The following WDR83 variants were observed in gnomAD, a reference collection of about 807,000 sequenced individuals.
WDR83 encodes WD repeat domain 83, also known as WD repeat domain-containing protein 83.
Under a neutral mutation model 37.7 loss-of-function variants are expected in WDR83, and 37 were observed. The observed-to-expected ratio is 0.98, with a 90% CI of 0.76 to 1.29. The LOEUF (loss-of-function observed/expected upper bound fraction) is 1.29, where lower values mean the gene tolerates loss of function less well. WDR83 is among the 50% of genes most tolerant of loss of function. The probability of loss-of-function intolerance (pLI) is 0.00; values close to 1 mark genes in which losing one functional copy is unlikely to be tolerated. For missense variants in WDR83, 445 were observed against 414.4 expected, an observed-to-expected ratio of 1.07 and a Z score of -0.64; for synonymous variants, 174 against 181.1, an observed-to-expected ratio of 0.96 and a Z score of 0.31.
intron 10 of WDR83, 132 bp from the exon 11 acceptor site, chr19:12,675,391 G>A: frequency 1.5e-6 from 2 of 1,290,864 alleles, no homozygotes; most frequent in Non-Finnish European, 2.1e-6. Flanking sequence ...GGCAATTAGA[G>A]GCAGGTGGCT....
intron 5 of WDR83, 113 bp downstream of exon 5, chr19:12,670,398 C>A: frequency 1.3e-6 from 2 of 1,497,670 alleles, no homozygotes; most frequent in Non-Finnish European, 1.8e-6. Context: ...AGATGACGAT[C>A]CCCCACTCCG....
At chr19:12,672,970 C>T in intron 8 of WDR83, 38 bp from the exon 9 acceptor site, 3 of 1,598,488 alleles carry the variant, frequency 1.9e-6, no homozygotes, top group Middle Eastern at 1.7e-4. Flanking sequence ...CAACCAGGGG[C>T]ACCCCACCCT....
At chr19:12,671,627 G>A (rs983125921) in intron 7 of WDR83, among the ~76,000 whole-genome samples, 8 of 152,256 alleles carry the variant, frequency 5.3e-5, no homozygotes, top group Middle Eastern at 3.4e-3. Context: ...ACTCCTGGGC[G>A]ATAGAGCAAG....
chr19:12,670,444 G>A, intron 5 of WDR83, 119 bp from the exon 6 acceptor site: 3 of 1,536,980 alleles, frequency 2.0e-6, no homozygotes, highest in Non-Finnish European at 2.7e-6. Flanking sequence ...CCCTGTCCTT[G>A]CTGTTCCCCC....
At position 12,670,687 on chromosome 19, in the gene WDR83, C is replaced by G. The variant is rs757159653; in HGVS notation, c.380-8C>G. On this transcript the variant is annotated splice_region_variant and splice_polypyrimidine_tract_variant and intron_variant, in intron 6 of 10. Transcript: ENST00000418543. ...AAACCTGACCTCACCATCATGCTGG[C>G]CTCACAGGCTCTATTGATTCCAGTA... 6.2e-7 allele frequency: 1 copy of G among 1,614,202 alleles called. No homozygotes were observed. Among genetic ancestry groups the G allele is most frequent in the East Asian group, 2.2e-5 (1 of 44,876 alleles).
intron 10 of WDR83, among the ~76,000 whole-genome samples, chr19:12,674,583 G>A (rs1464583768): frequency 6.6e-6 from 1 of 152,042 alleles, no homozygotes; most frequent in East Asian, 1.9e-4. Flanking sequence ...ACATTTTCAA[G>A]GTGGAAAGAG....
In WDR83 at chr19:12,674,476, G is replaced by T. The variant is rs574594870; in HGVS notation, c.799-1047G>T. 2.0e-5 allele frequency among the ~76,000 whole-genome samples: 3 copies of T among 152,314 alleles called. No individual in the cohort carries two copies. The South Asian group carries it at 6.2e-4, about 32-fold the overall frequency. On this transcript the variant is annotated intron_variant, in intron 10 of 10. Coordinates refer to ENST00000418543, the MANE Select transcript of WDR83 (RefSeq NM_001099737.3). The stretch of plus-strand genomic sequence containing the variant: ...GGGGCCCTGAAGACTTGGCGGACAA[G>T]CTCTTGCTTTAGGAACTAAGGTAGC...
Position 12,673,259 on chromosome 19 carries a change from C to T in WDR83, c.741C>T (p.Asp247=), listed in dbSNP as rs754882978. 7 of 1,613,946 alleles carry T rather than the reference C, an allele frequency of 4.3e-6. No individual in the cohort carries two copies. Among genetic ancestry groups the T allele is most frequent in the African/African-American group, 1.3e-5 (1 of 74,880 alleles). The change falls in exon 10 of 11, where the codon GAC becomes GAT. Residue 247 remains aspartate (D), a synonymous_variant. Transcript: ENST00000418543. ...TGGACTGCTGCCTGAGCGAGCGTGACACACATGTGGTCAGCTGTTCTGAGG... is the reference window on the plus strand; with the variant it reads ...TGGACTGCTGCCTGAGCGAGCGTGATACACATGTGGTCAGCTGTTCTGAGG... ...YKLDCCLSER[D]THVVSCSEDG...
rs1362624919 is a variant in WDR83 at position 12,668,156 on chromosome 19, C to CA, written c.-156-351dup. 25 of 574,984 alleles carry CA rather than the reference C, an allele frequency of 4.3e-5. No homozygotes were observed. The African/African-American group carries it at 4.7e-4, about 11-fold the overall frequency. The allele number at this position is 574,984 out of a possible 1,614,324, so 35.6% of individuals were successfully genotyped here. ...GAAACATGGACAGCATCTCCCCCAG[C>CA]AGCAGGCAGGGGAAGGGAGGCAGGA... On this transcript the variant is annotated intron_variant, in intron 1 of 10. Coordinates refer to ENST00000418543, the MANE Select transcript of WDR83 (RefSeq NM_001099737.3).
chr19:12,671,061 C>T, intron 7 of WDR83: 3 of 495,936 alleles, frequency 6.0e-6, no homozygotes, highest in Non-Finnish European at 6.9e-6. Context: ...GGCACGGTGG[C>T]TCACACCTGT....
At chr19:12,673,167 A>G (rs1014685960) in intron 9 of WDR83, 35 bp from the exon 10 acceptor site, 2 of 1,612,760 alleles carry the variant, frequency 1.2e-6, no homozygotes, top group African/African-American at 1.3e-5. Context: ...CCACCCCTGG[A>G]GAGGACCAAG....
At chr19:12,674,793 A>G (rs1413713088) in intron 10 of WDR83, among the ~76,000 whole-genome samples, 7 of 152,116 alleles carry the variant, frequency 4.6e-5, no homozygotes, top group African/African-American at 1.7e-4. Context: ...GCCAAGAGGA[A>G]TAACTGATAG....
chr19:12,668,739 C>T, intron 2 of WDR83, 112 bp downstream of exon 2: 1 of 824,598 alleles, frequency 1.2e-6, no homozygotes. Context: ...GACCTTGCCC[C>T]ACCCGGAATT....
intron 1 of WDR83, 192 bp from the exon 2 acceptor site, chr19:12,668,316 A>C: frequency 6.3e-7 from 1 of 1,579,446 alleles, no homozygotes; most frequent in Non-Finnish European, 8.6e-7. Context: ...GCCCAGGCCT[A>C]GTGGATAGAC....
chr19:12,666,888 C>A lies in WDR83; in HGVS notation c.-261C>A, dbSNP rs1341637916. On this transcript the variant is annotated 5_prime_UTR_variant, in exon 1 of 11. Transcript: ENST00000418543. ...TACAGGAAGGTAGGAAAATGCCACC[C>A]TCAGGGCACTGGTTGGGCTAAAGGT... 1 of 604,502 alleles carries A rather than the reference C, an allele frequency of 1.7e-6. No homozygotes were observed. The highest frequency in any genetic ancestry group is 1.9e-5 in the African/African-American group (1 of 52,976). The allele number at this position is 604,502 out of a possible 1,614,324, so 37.4% of individuals were successfully genotyped here.
chr19:12,668,354 TG>T, intron 1 of WDR83, 153 bp from the exon 2 acceptor site: 2 of 1,611,102 alleles, frequency 1.2e-6, no homozygotes, highest in Non-Finnish European at 1.7e-6. Flanking sequence ...CCTTCTAGGC[TG>T]GTATCACCAT....
intron 1 of WDR83, 31 bp from the exon 2 acceptor site, chr19:12,668,477 A>AC (rs776444160): frequency 1.2e-6 from 2 of 1,613,424 alleles, no homozygotes; most frequent in Admixed American, 3.3e-5. Context: ...GGGTCCCCCC[A>AC]CCCCTTACTC....
rs748663188 is a variant in WDR83, at chr19:12,675,601, C to T, written c.877C>T (p.Leu293=). 6.2e-7 allele frequency: 1 copy of T among 1,604,974 alleles called. No homozygotes were observed. The highest frequency in any genetic ancestry group is 8.5e-7 in the Non-Finnish European group (1 of 1,179,964). The change falls in exon 11 of 11, where the codon CTG becomes TTG. Residue 293 remains leucine (L), a synonymous_variant. Transcript: ENST00000418543. Reference sequence around the variant, plus strand: ...CTACCACCCAACAGAGCCCTGCCTGCTGACCGCCATGGGAGGCAGCGTCCA... The same window carrying T: ...CTACCACCCAACAGAGCCCTGCCTGTTGACCGCCATGGGAGGCAGCGTCCA... The part of the protein sequence containing the change: ...LAYHPTEPCL[L]TAMGGSVQCW...
intron 10 of WDR83, 142 bp from the exon 11 acceptor site, chr19:12,675,381 G>A (rs1226125276): frequency 8.6e-7 from 1 of 1,167,380 alleles, no homozygotes; most frequent in Non-Finnish European, 1.2e-6. Context: ...GTGTCTAGGA[G>A]GCAATTAGAG....
Sources: gnomAD v4.1 joint callset for allele counts (sites outside exome capture counted in the v4.1 genomes callset) on GRCh38, gnomAD v4.1.1 for gene constraint, MANE v1.5 for transcripts, NCBI Gene and HGNC (gene_info 2026-07-23, HGNC 2026-07-21) for gene names.